The following KIAA1755 variants were observed in gnomAD, a reference collection of about 807,000 sequenced individuals.
The protein encoded by KIAA1755 is KIAA1755.
KIAA1755 carries 68 observed loss-of-function variants against 91.7 expected under a neutral mutation model. The observed-to-expected ratio is 0.74, with a 90% CI of 0.61 to 0.91. The LOEUF (loss-of-function observed/expected upper bound fraction) is 0.91. KIAA1755 is among the 40% of genes least tolerant of loss of function. KIAA1755 has a pLI of 0.00. For missense variants in KIAA1755, 1,535 were observed against 1,494.4 expected (o/e 1.03, Z -0.45); for synonymous variants, 610 against 604.6 (o/e 1.01, Z -0.13).
intron 12 of KIAA1755, chr20:38,217,859 C>T (rs1193170152): frequency 4.8e-6 from 2 of 412,522 alleles, no homozygotes; most frequent in African/African-American, 4.0e-5. Context: ...TCCCCACTGG[C>T]CTGAGAATTC....
At chr20:38,227,668 G>A (rs1012188144) in intron 6 of KIAA1755, among the ~76,000 whole-genome samples, 1 of 152,242 alleles carries the variant, frequency 6.6e-6, no homozygotes, top group Non-Finnish European at 1.5e-5. Context: ...AGGCCACAGG[G>A]TTGGGTGTGG....
Position 38,241,781 on chromosome 20 carries a change from A to G in KIAA1755, c.350T>C (p.Val117Ala). The part of the protein sequence containing the change: ...LQVEPQEEQS[V>A]CIMIKCLSLD... ...GGAGAGGCATTTGATCATGATGCAG[A>G]CAGACTGCTCCTCCTGGGGCTCCAC... Residue 117 changes from valine to alanine, a missense_variant, in exon 3 of 14, where the codon GTC becomes GCC. Coordinates refer to ENST00000279024, the MANE Select transcript of KIAA1755 (RefSeq NM_001029864.2). 1 of 1,614,174 alleles carries G rather than the reference A, an allele frequency of 6.2e-7. No individual in the cohort carries two copies. Among genetic ancestry groups the G allele is most frequent in the African/African-American group, 1.3e-5 (1 of 75,048 alleles).
chr20:38,224,213 C>G (rs143582241), intron 8 of KIAA1755, among the ~76,000 whole-genome samples: 26 of 152,230 alleles, frequency 1.7e-4, no homozygotes, highest in African/African-American at 5.5e-4. Context: ...GAACAGAGCC[C>G]AGCCCATACT....
Position 38,218,357 on chromosome 20 carries a change from AG to A in KIAA1755, c.2565del (p.Trp856GlyfsTer13), listed in dbSNP as rs753387777. 7 of 1,614,122 alleles carry A rather than the reference AG, an allele frequency of 4.3e-6. No individual in the cohort carries two copies. Among genetic ancestry groups the A allele is most frequent in the African/African-American group, 1.3e-5 (1 of 75,060 alleles). On this transcript the variant is annotated frameshift_variant, in exon 12 of 14. Transcript: ENST00000279024. LOFTEE classifies it high-confidence loss of function. The stretch of plus-strand genomic sequence containing the variant: ...CACCGCCTTCCTTCCTGCTCCATCC[AG>A]TCGCTGACCTGGGGCAGGAGAGGCA... The part of the protein sequence containing the change: ...RLEAAIHQVS[D>X]WMEQEGRRCL...
intron 1 of KIAA1755, among the ~76,000 whole-genome samples, chr20:38,256,603 A>G (rs147602483): frequency 3.3e-5 from 5 of 152,304 alleles, no homozygotes; most frequent in Admixed American, 1.3e-4. Flanking sequence ...CAGGAGTTCA[A>G]GACCAGCCTA....
intron 1 of KIAA1755, among the ~76,000 whole-genome samples, chr20:38,256,673 C>T (rs551113158): frequency 2.6e-5 from 4 of 152,102 alleles, no homozygotes; most frequent in Non-Finnish European, 4.4e-5. Context: ...CATGGTAGCA[C>T]GCACCTGTAG....
chr20:38,253,436 T>C (rs2076286336), intron 1 of KIAA1755, among the ~76,000 whole-genome samples: 1 of 152,208 alleles, frequency 6.6e-6, no homozygotes, highest in Non-Finnish European at 1.5e-5. Context: ...GGATGATGCC[T>C]TTTTACCTAT....
At chr20:38,252,546 C>T (rs2076269262) in intron 1 of KIAA1755, among the ~76,000 whole-genome samples, 1 of 152,146 alleles carries the variant, frequency 6.6e-6, no homozygotes, top group African/African-American at 2.4e-5. Flanking sequence ...TGGGGCCTGC[C>T]AAGTCTGCCC....
intron 1 of KIAA1755, among the ~76,000 whole-genome samples, chr20:38,257,580 A>T (rs912951378): frequency 2.0e-5 from 2 of 98,516 alleles, no homozygotes; most frequent in South Asian, 3.1e-4. Flanking sequence ...GACTCCATCT[A>T]AAAAAAAAAA....
At position 38,228,161 on chromosome 20, in the gene KIAA1755, G is replaced by A; in HGVS notation, c.1951C>T (p.Leu651=). The stretch of plus-strand genomic sequence containing the variant: ...CTCCCACTCACCTGGGTGGCCTGCA[G>A]GGCGCTGACCAGACCGGGCTGTGGG... ...QPPQPGLVSA[L]QATQAQVPAS... Residue 651 remains leucine, a synonymous_variant, in exon 6 of 14, where the codon CTG becomes TTG. Transcript: ENST00000279024. 1 of 1,601,810 alleles carries A rather than the reference G, an allele frequency of 6.2e-7. No homozygotes were observed. Among genetic ancestry groups the A allele is most frequent in the Non-Finnish European group, 8.5e-7 (1 of 1,174,702 alleles).
In KIAA1755 at chr20:38,252,848, G is replaced by A. The variant is rs190446111; in HGVS notation, c.4-6722C>T. On this transcript the variant is annotated intron_variant, in intron 1 of 13. Transcript: ENST00000279024. ...CCCACTACAGGCCTGAACCCCAGGG[G>A]CTCATAAGCCATCCAAGTATTGGAG... is the stretch of plus-strand genomic sequence containing the variant. Among the ~76,000 whole-genome samples, 474 of 152,244 alleles carry A rather than the reference G, an allele frequency of 3.1e-3. 2 individuals are homozygous for A. The highest frequency in any genetic ancestry group is 0.01 in the Admixed American group (157 of 15,290).
chr20:38,255,766 G>A (rs1030810428), intron 1 of KIAA1755, among the ~76,000 whole-genome samples: 6 of 152,160 alleles, frequency 3.9e-5, no homozygotes, highest in African/African-American at 4.8e-5. Context: ...CTGATGCAGT[G>A]AGCCGAGAAG....
chr20:38,228,006 G>T, intron 6 of KIAA1755, 141 bp downstream of exon 6: 1 of 531,512 alleles, frequency 1.9e-6, no homozygotes, highest in Non-Finnish European at 3.2e-6. Context: ...TGTTAGGGCT[G>T]AGTTTTCTGT....
Position 38,217,240 on chromosome 20 carries a change from C to T in KIAA1755, c.2901+13G>A, listed in dbSNP as rs1281022390. The T allele has an allele frequency of 6.3e-7, 1 of 1,581,546 alleles. No homozygotes were observed. Among genetic ancestry groups the T allele is most frequent in the Non-Finnish European group, 8.6e-7 (1 of 1,166,540 alleles). On this transcript the variant is annotated intron_variant, in intron 13 of 13. Transcript: ENST00000279024. ...ATCGGGGGGTATCTGTGCAGGTGGG[C>T]CGCGGGGCTCACCCTCTTGCAGAAG...
chr20:38,253,491 C>T (rs1195522093), intron 1 of KIAA1755, among the ~76,000 whole-genome samples: 1 of 152,108 alleles, frequency 6.6e-6, no homozygotes, highest in African/African-American at 2.4e-5. Flanking sequence ...GACAAAAGAC[C>T]TCCACCACTC....
Position 38,246,059 on chromosome 20 carries a change from G to T in KIAA1755, c.71C>A (p.Thr24Lys). The stretch of plus-strand genomic sequence containing the variant: ...CACCTGACCCAGGACGGTGGGTGCT[G>T]TGGCCTCGAAAGGAGGATAGAGGCC... ...LAGLYPPFEA[T>K]APTVLGQVFR... The change falls in exon 2 of 14, where the codon ACA (threonine) becomes AAA (lysine). Residue 24 changes from threonine (T) to lysine (K), a missense_variant. Transcript: ENST00000279024. The T allele has an allele frequency of 1.2e-6, 2 of 1,614,172 alleles. No individual in the cohort carries two copies. Among genetic ancestry groups the T allele is most frequent in the Non-Finnish European group, 1.7e-6 (2 of 1,180,036 alleles).
intron 1 of KIAA1755, 82 bp downstream of exon 1, chr20:38,260,416 C>A: frequency 1.3e-6 from 2 of 1,586,690 alleles, no homozygotes; most frequent in South Asian, 1.2e-5. Context: ...CAGGGCCACC[C>A]GGGGCTGTTC....
intron 4 of KIAA1755, 125 bp from the exon 5 acceptor site, chr20:38,231,450 T>A: frequency 9.0e-7 from 1 of 1,106,252 alleles, no homozygotes; most frequent in East Asian, 2.6e-5. Flanking sequence ...TCTCTCCTTC[T>A]CCTTCTGTGA....
intron 4 of KIAA1755, among the ~76,000 whole-genome samples, chr20:38,237,899 AGCACGCATGTGGACGTT>A (rs2075987952): frequency 6.6e-6 from 1 of 152,150 alleles, no homozygotes; most frequent in Non-Finnish European, 1.5e-5. Context: ...GGACAGAAGG[AGCACGCATGTGGACGTT>A]GCTCATTCAC....
Sources: gnomAD v4.1 joint callset for allele counts (sites outside exome capture counted in the v4.1 genomes callset) on GRCh38, gnomAD v4.1.1 for gene constraint, MANE v1.5 for transcripts, NCBI Gene and HGNC (gene_info 2026-07-23, HGNC 2026-07-21) for gene names.